The following ADK variants were observed in gnomAD, a reference collection of about 807,000 sequenced individuals.
ADK encodes the protein N6,N6-dimethyladenosine kinase.
Under a neutral mutation model 44.7 loss-of-function variants are expected in ADK, and 24 were observed. That is an observed-to-expected ratio of 0.54 (90% CI 0.39 to 0.76). The LOEUF (loss-of-function observed/expected upper bound fraction) is 0.76. ADK is among the 30% of genes least tolerant of loss of function. The probability of loss-of-function intolerance (pLI) is 0.00; values close to 1 mark genes in which losing one functional copy is unlikely to be tolerated. For missense variants in ADK, 321 were observed against 425.1 expected (o/e 0.76, Z 2.15); for synonymous variants, 128 against 142.6 (o/e 0.90, Z 0.73).
chr10:74,200,537 T>G (rs973805042), intron 1 of ADK, among the ~76,000 whole-genome samples: 3 of 151,960 alleles, frequency 2.0e-5, no homozygotes, highest in Non-Finnish European at 4.4e-5. Flanking sequence ...TGGTGTCTCA[T>G]TGTAGTTTTG....
chr10:74,239,715 CAAAAAAAAAAAAA>C (rs61022417), intron 3 of ADK, among the ~76,000 whole-genome samples: 6 of 85,052 alleles, frequency 7.1e-5, no homozygotes, highest in Non-Finnish European at 1.3e-4. Flanking sequence ...GACCTTGTCT[CAAAAAAAAAAAAA>C]AAAAAAAAAA....
chr10:74,258,943 T>C (rs1433311829), intron 3 of ADK, among the ~76,000 whole-genome samples: 3 of 135,938 alleles, frequency 2.2e-5, no homozygotes, highest in South Asian at 2.2e-4. Flanking sequence ...TTGTTTGTTT[T>C]TGTGTTTTTT....
At chr10:74,167,756 CAT>C (rs1432405163) in intron 1 of ADK, among the ~76,000 whole-genome samples, 1 of 152,178 alleles carries the variant, frequency 6.6e-6, no homozygotes, top group African/African-American at 2.4e-5. Flanking sequence ...GAGAAGGGAA[CAT>C]AGACTTCTTG....
intron 2 of ADK, among the ~76,000 whole-genome samples, chr10:74,224,184 A>G (rs538249614): frequency 6.6e-6 from 1 of 152,364 alleles, no homozygotes; most frequent in East Asian, 1.9e-4. Flanking sequence ...TATGATTACT[A>G]TATATTTAAT....
At chr10:74,439,245 A>G (rs1033000934) in intron 6 of ADK, among the ~76,000 whole-genome samples, 1 of 152,224 alleles carries the variant, frequency 6.6e-6, no homozygotes, top group Non-Finnish European at 1.5e-5. Flanking sequence ...TCTAGAGCAT[A>G]ATGCCCTTAG....
At chr10:74,289,152 A>G (rs1414675505) in intron 3 of ADK, among the ~76,000 whole-genome samples, 1 of 152,224 alleles carries the variant, frequency 6.6e-6, no homozygotes, top group African/African-American at 2.4e-5. Context: ...AACTATATCA[A>G]CAAATAAATT....
At chr10:74,685,663 A>G (rs577410753) in intron 10 of ADK, among the ~76,000 whole-genome samples, 1 of 152,354 alleles carries the variant, frequency 6.6e-6, no homozygotes, top group African/African-American at 2.4e-5. Context: ...AAGGATATGG[A>G]TTTATGATTA....
At chr10:74,289,875 G>A (rs1406064306) in intron 3 of ADK, among the ~76,000 whole-genome samples, 2 of 149,660 alleles carry the variant, frequency 1.3e-5, no homozygotes, top group Admixed American at 1.3e-4. Flanking sequence ...TGTAGAAAAA[G>A]GAGGGAGGAT....
At chr10:74,566,201 CTTT>C (rs772254919) in intron 7 of ADK, among the ~76,000 whole-genome samples, 1 of 114,024 alleles carries the variant, frequency 8.8e-6, no homozygotes, top group African/African-American at 4.1e-5. Flanking sequence ...CTCTCTCTCT[CTTT>C]TTTTTTTTTT....
At chr10:74,235,580 G>T (rs1366758465) in intron 3 of ADK, among the ~76,000 whole-genome samples, 2 of 152,056 alleles carry the variant, frequency 1.3e-5, no homozygotes, top group African/African-American at 4.8e-5. Context: ...TTAGGATTAC[G>T]GGCGTGAGCC....
At chr10:74,655,313 A>G in intron 9 of ADK, 1 of 438,494 alleles carries the variant, frequency 2.3e-6, no homozygotes, top group Non-Finnish European at 4.4e-6. Flanking sequence ...TGAAGAAAAA[A>G]GGAACTGGAA....
intron 6 of ADK, among the ~76,000 whole-genome samples, chr10:74,445,048 AC>A (rs1271286210): frequency 1.3e-5 from 2 of 152,072 alleles, no homozygotes; most frequent in Non-Finnish European, 2.9e-5. Context: ...ACAAATATAA[AC>A]AATGGGTTGT....
intron 9 of ADK, among the ~76,000 whole-genome samples, chr10:74,606,421 A>G (rs1852325690): frequency 6.6e-6 from 1 of 152,048 alleles, no homozygotes; most frequent in Non-Finnish European, 1.5e-5. Context: ...GCTGTGTCCC[A>G]GAGATTCGTT....
chr10:74,514,760 T>C (rs938885387), intron 6 of ADK, among the ~76,000 whole-genome samples: 1 of 152,222 alleles, frequency 6.6e-6, no homozygotes, highest in East Asian at 1.9e-4. Flanking sequence ...TATTTCCTTA[T>C]AGTTTGGAGT....
At chr10:74,589,404 G>GC in intron 8 of ADK, 87 bp downstream of exon 8, 1 of 1,338,362 alleles carries the variant, frequency 7.5e-7, no homozygotes, top group Non-Finnish European at 1.1e-6. Flanking sequence ...TGATTGATGT[G>GC]CTATTATACT....
rs144244770 is a variant in ADK, at chr10:74,639,363, A to T, written c.878-30820A>T. ...AATAATCAAAAGTCTGGGAGCATCT[A>T]CATGTGAAGACATTCATGTCACTTT... On this transcript the variant is annotated intron_variant, in intron 9 of 10. Coordinates refer to ENST00000539909, the MANE Select transcript of ADK (RefSeq NM_006721.4). Among the ~76,000 whole-genome samples, 672 of 152,334 alleles carry T rather than the reference A, an allele frequency of 4.4e-3. 9 individuals are homozygous for T. Among genetic ancestry groups the T allele is most frequent in the African/African-American group, 0.015 (620 of 41,568 alleles).
intron 10 of ADK, among the ~76,000 whole-genome samples, chr10:74,694,868 T>C (rs893186677): frequency 1.3e-5 from 2 of 152,204 alleles, no homozygotes; most frequent in African/African-American, 4.8e-5. Context: ...TTTCTACCTC[T>C]AGGACATAAA....
chr10:74,556,953 C>G (rs1016581056), intron 7 of ADK, among the ~76,000 whole-genome samples: 1 of 152,260 alleles, frequency 6.6e-6, no homozygotes, highest in East Asian at 1.9e-4. Context: ...TACTGTGACT[C>G]TTACCAGATA....
Position 74,708,780 on chromosome 10 carries a change from G to T in ADK, c.*335G>T. On this transcript the variant is annotated 3_prime_UTR_variant, in exon 11 of 11. Transcript: ENST00000539909. ...CACTGATTTGTTTTTTTACATTTCTGCTTTGAATGCAGATGCAATTTAATA... is the reference window on the plus strand; with the variant it reads ...CACTGATTTGTTTTTTTACATTTCTTCTTTGAATGCAGATGCAATTTAATA... The T allele has an allele frequency of 4.1e-6, 1 of 241,196 alleles. No individual in the cohort carries two copies. Among genetic ancestry groups the T allele is most frequent in the Non-Finnish European group, 8.3e-6 (1 of 120,384 alleles). 14.9% of individuals were successfully genotyped at this position (241,196 alleles called of 1,614,324 possible).
Sources: gnomAD v4.1 joint callset for allele counts (sites outside exome capture counted in the v4.1 genomes callset) on GRCh38, gnomAD v4.1.1 for gene constraint, MANE v1.5 for transcripts, NCBI Gene and HGNC (gene_info 2026-07-23, HGNC 2026-07-21) for gene names.